The following SOX6 variants were observed in gnomAD, a reference collection of about 807,000 sequenced individuals.
The protein encoded by SOX6 is SRY-box transcription factor 6, also known as transcription factor SOX-6.
In SOX6, 11 loss-of-function variants were observed where a neutral mutation model predicts 97.8. The ratio of observed to expected loss-of-function variants is 0.11; its 90% CI spans 0.07 to 0.19. The LOEUF is 0.19. Ranked by LOEUF, SOX6 falls within the 10% of genes least tolerant of loss-of-function variation. The pLI, the probability that SOX6 is intolerant of heterozygous loss-of-function variation, is 1.00. For missense variants in SOX6, 810 were observed against 1,039.5 expected, an observed-to-expected ratio of 0.78 and a Z score of 3.04; for synonymous variants, 360 against 371.4, an observed-to-expected ratio of 0.97 and a Z score of 0.35.
chr11:16,556,538 GA>G (rs1377047412), intron 4 of SOX6, among the ~76,000 whole-genome samples: 1 of 151,702 alleles, frequency 6.6e-6, no homozygotes, highest in Non-Finnish European at 1.5e-5. Flanking sequence ...ATCACATGCA[GA>G]AGTGAGCATT....
chr11:16,706,622 T>C lies in SOX6; in HGVS notation n.429+8208A>G, dbSNP rs141716613. Among the ~76,000 whole-genome samples, 1,131 of 138,250 alleles carry C rather than the reference T, an allele frequency of 8.2e-3. 20 individuals are homozygous for C. Among genetic ancestry groups the C allele is most frequent in the African/African-American group, 0.028 (1,026 of 36,286 alleles). 90.7% of individuals were successfully genotyped at this position (138,250 alleles called of 152,430 possible). On this transcript the variant is annotated intron_variant and non_coding_transcript_variant, in intron 3 of 5. Coordinates refer to the SOX6 transcript ENST00000524520. ...CAGGAAAATGAGAAGCAGAGAGGGG[T>C]TGGGTGGAGGAAGCTAAGATATAGG...
rs184330719 is a variant in SOX6 at position 16,497,868 on chromosome 11, A to G, written n.610-21480T>C. 1.6e-3 allele frequency among the ~76,000 whole-genome samples: 245 copies of G among 152,364 alleles called. 2 individuals carry two copies. The highest frequency in any genetic ancestry group is 5.8e-3 in the African/African-American group (241 of 41,586). On this transcript the variant is annotated intron_variant and non_coding_transcript_variant, in intron 4 of 5. Coordinates refer to the SOX6 transcript ENST00000524520. ...CGTGTACCTGAAAGTGACGGGGAGAAGGGAACCAAGTTGGAAAACACTCTG... is the reference window on the plus strand; with the variant it reads ...CGTGTACCTGAAAGTGACGGGGAGAGGGGAACCAAGTTGGAAAACACTCTG...
intron 5 of SOX6, among the ~76,000 whole-genome samples, 186 bp downstream of exon 5, chr11:16,186,597 C>T (rs1294579585): frequency 6.6e-6 from 1 of 151,962 alleles, no homozygotes; most frequent in Admixed American, 6.6e-5. Flanking sequence ...TTTTTGTACA[C>T]ATATTCCCTC....
In SOX6 at chr11:15,974,378, CTTT is replaced by C. The variant is rs35597667; in HGVS notation, c.2184-1269_2184-1267del. On this transcript the variant is annotated intron_variant, in intron 15 of 15. Transcript: ENST00000683767. ...TTTTGTTTTTTTCTGTTAGCTCTCT[CTTT>C]TTTTTTTTTTTTTTTTTTTTTATTA... Among the ~76,000 whole-genome samples, 646 of 85,694 alleles carry C rather than the reference CTTT, an allele frequency of 7.5e-3. 3 individuals carry two copies. The highest frequency in any genetic ancestry group is 0.021 in the Admixed American group (141 of 6,812). 56.2% of individuals were successfully genotyped at this position (85,694 alleles called of 152,430 possible).
chr11:16,188,064 A>G (rs1169462022), intron 4 of SOX6, among the ~76,000 whole-genome samples: 3 of 152,108 alleles, frequency 2.0e-5, no homozygotes, highest in Non-Finnish European at 2.9e-5. Context: ...AAATATTTTA[A>G]TTATGAGTGG....
chr11:16,635,015 C>A (rs1848763667), intron 3 of SOX6, among the ~76,000 whole-genome samples: 1 of 152,168 alleles, frequency 6.6e-6, no homozygotes, highest in Non-Finnish European at 1.5e-5. Flanking sequence ...TTTCCTGAGG[C>A]CTCCTCTGCC....
intron 1 of SOX6, among the ~76,000 whole-genome samples, chr11:16,371,473 T>TA (rs1164597547): frequency 1.7e-4 from 26 of 150,742 alleles, no homozygotes; most frequent in Non-Finnish European, 2.2e-4. Flanking sequence ...TTTCTTTTTT[T>TA]TAAAAAAAAA....
intron 4 of SOX6, among the ~76,000 whole-genome samples, chr11:16,206,555 G>GT (rs1241746364): frequency 3.9e-5 from 6 of 152,084 alleles, no homozygotes; most frequent in Non-Finnish European, 5.9e-5. Flanking sequence ...CTTTGGTCTC[G>GT]TTTTATCTTG....
At chr11:16,056,333 A>G (rs1409314889) in intron 9 of SOX6, among the ~76,000 whole-genome samples, 1 of 152,164 alleles carries the variant, frequency 6.6e-6, no homozygotes, top group East Asian at 1.9e-4. Flanking sequence ...GATTCTTGGA[A>G]GAACTGTATC....
In SOX6 at chr11:15,970,980, T is replaced by C. The variant is rs546719291; in HGVS notation, c.*1829A>G. On this transcript the variant is annotated 3_prime_UTR_variant, in exon 16 of 16. Coordinates refer to ENST00000683767, the MANE Select transcript of SOX6 (RefSeq NM_001367873.1). ...ATGACATGGCAGAGCTCCCTGTAGT[T>C]AGGAGATGGGGAATAAAACCTCACT... 3 of 152,540 alleles carry C rather than the reference T, an allele frequency of 2.0e-5. No homozygotes were observed. In the East Asian group the frequency reaches 5.8e-4, roughly 29 times the overall value. The allele number at this position is 152,540 out of a possible 1,614,324, so 9.4% of individuals were successfully genotyped here.
intron 4 of SOX6, among the ~76,000 whole-genome samples, chr11:16,482,169 G>A (rs1225642099): frequency 6.6e-6 from 1 of 152,040 alleles, no homozygotes; most frequent in Non-Finnish European, 1.5e-5. Flanking sequence ...AATAATTGTG[G>A]CTATTCTTTT....
chr11:15,986,238 G>T lies in SOX6; in HGVS notation c.2149C>A (p.Arg717=). The change falls in exon 15 of 16, where the codon CGG becomes AGG. Residue 717 remains arginine (R), a synonymous_variant. Coordinates refer to ENST00000683767, the MANE Select transcript of SOX6 (RefSeq NM_001367873.1). ...IGEYKQLMRS[R]RQEMRQFFTV... ...AAGAACTGCCTCATCTCCTGTCTCC[G>T]AGACCTCATCAGTTGCTTATACTCC... 6.2e-7 allele frequency: 1 copy of T among 1,614,016 alleles called. No individual in the cohort carries two copies. Among genetic ancestry groups the T allele is most frequent in the Non-Finnish European group, 8.5e-7 (1 of 1,179,986 alleles).
intron 3 of SOX6, among the ~76,000 whole-genome samples, chr11:16,652,649 C>A: frequency 6.6e-6 from 1 of 152,076 alleles, no homozygotes; most frequent in Non-Finnish European, 1.5e-5. Context: ...AGACCTGAAA[C>A]CCTAAAAATT....
intron 7 of SOX6, among the ~76,000 whole-genome samples, chr11:16,100,054 T>C (rs1848905526): frequency 1.3e-5 from 2 of 151,430 alleles, no homozygotes; most frequent in African/African-American, 2.4e-5. Flanking sequence ...AGATTACAAG[T>C]AGAAAAGAAA....
chr11:16,380,930 C>T (rs1857795157), intron 1 of SOX6, among the ~76,000 whole-genome samples: 1 of 152,006 alleles, frequency 6.6e-6, no homozygotes, highest in African/African-American at 2.4e-5. Flanking sequence ...AAGTCCCGGC[C>T]CTGATTTCTA....
chr11:16,416,043 C>G (rs146355688), intron 1 of SOX6, among the ~76,000 whole-genome samples: 1 of 152,286 alleles, frequency 6.6e-6, no homozygotes, highest in East Asian at 1.9e-4. Flanking sequence ...GCCTACCTCT[C>G]CGTACAATGA....
intron 3 of SOX6, chr11:16,318,245 T>G: frequency 1.7e-6 from 1 of 605,134 alleles, no homozygotes; most frequent in Non-Finnish European, 2.9e-6. Flanking sequence ...TGCACAAAGT[T>G]TTAGAAAAAC....
At chr11:16,190,797 T>A (rs1851611092) in intron 4 of SOX6, among the ~76,000 whole-genome samples, 2 of 152,080 alleles carry the variant, frequency 1.3e-5, no homozygotes, top group African/African-American at 4.8e-5. Context: ...TGCGTGGCAG[T>A]GGGAGGGGGA....
chr11:16,280,102 A>T lies in SOX6; in HGVS notation c.445+38344T>A, dbSNP rs547148849. ...CATTTCTTTCTCAATGCTTGACTCC[A>T]TTAGTCTTATTGGCCAACCATGGAC... On this transcript the variant is annotated intron_variant, in intron 3 of 15. Coordinates refer to ENST00000683767, the MANE Select transcript of SOX6 (RefSeq NM_001367873.1). Among the ~76,000 whole-genome samples the T allele has an allele frequency of 1.2e-4, 18 of 152,234 alleles. 1 individual carries two copies. The highest frequency in any genetic ancestry group is 4.1e-4 in the African/African-American group (17 of 41,564).
Sources: allele counts gnomAD v4.1 joint callset (sites outside exome capture counted in the v4.1 genomes callset), GRCh38; gene constraint gnomAD v4.1.1; transcripts MANE v1.5; gene names NCBI Gene and HGNC (gene_info 2026-07-23, HGNC 2026-07-21).